Variants in CD99L2 observed in about 807,000 individuals in gnomAD.
The protein encoded by CD99L2 is CD99 antigen-like protein 2.
Under a neutral mutation model 27.3 loss-of-function variants are expected in CD99L2, and 24 were observed. The ratio of observed to expected loss-of-function variants is 0.88; its 90% CI spans 0.64 to 1.24. The LOEUF is 1.24. Among genes scored for constraint, CD99L2 ranks in the 50% most tolerant of loss-of-function variants. The pLI is 0.00. For synonymous variants in CD99L2, 97 were observed against 87.9 expected (o/e 1.10, Z -0.58); for missense variants, 255 against 221.6 (o/e 1.15, Z -0.96).
chrX:150,795,890 C>A, intron 4 of CD99L2, among the ~76,000 whole-genome samples: 1 of 112,335 alleles, frequency 8.9e-6, no homozygotes, highest in Admixed American at 9.4e-5. Context: ...ATTGAGGATG[C>A]ATTCCCAGTG....
intron 7 of CD99L2, among the ~76,000 whole-genome samples, chrX:150,779,161 G>C (rs1557419386): frequency 8.9e-6 from 1 of 112,205 alleles, no homozygotes; most frequent in Non-Finnish European, 1.9e-5. Context: ...CAAGACTGCG[G>C]AGCAACAGGC....
At position 150,892,605 on chromosome X, in the gene CD99L2, C is replaced by CA. The variant is rs782464097; in HGVS notation, c.67+5916dup. Reference sequence around the variant, plus strand: ...TGGGCGACAGAGCGAGACTCTGTCTCAAAAAAAAAAAAAAAAAAAAAAAAA... The same window carrying CA: ...TGGGCGACAGAGCGAGACTCTGTCTCAAAAAAAAAAAAAAAAAAAAAAAAAA... On this transcript the variant is annotated intron_variant, in intron 1 of 10. Coordinates refer to ENST00000370377, the MANE Select transcript of CD99L2 (RefSeq NM_031462.4). Among the ~76,000 whole-genome samples, 146 of 30,166 alleles carry CA rather than the reference C, an allele frequency of 4.8e-3. 7 individuals carry two copies. The highest frequency in any genetic ancestry group is 8.6e-3 in the East Asian group (5 of 580). 26.2% of individuals were successfully genotyped at this position (30,166 alleles called of 115,157 possible). A position where few individuals can be genotyped will look rare whatever the true frequency, so the allele number is the denominator to read the frequency against.
At chrX:150,785,346 A>T (rs2045577439) in intron 7 of CD99L2, among the ~76,000 whole-genome samples, 1 of 111,629 alleles carries the variant, frequency 9.0e-6, no homozygotes, top group Non-Finnish European at 1.9e-5. Flanking sequence ...CAGCACGCAG[A>T]CCTGTAATTA....
rs782204111 is a variant in CD99L2, at chrX:150,768,593, C to T, written c.*441G>A. The T allele has an allele frequency of 4.8e-5, 6 of 126,290 alleles. No individual in the cohort carries two copies. The highest frequency in any genetic ancestry group is 9.5e-5 in the Non-Finnish European group (6 of 62,874). 10.4% of individuals were successfully genotyped at this position (126,290 alleles called of 1,213,427 possible). The stretch of plus-strand genomic sequence containing the variant: ...CCCCCCACCTGCAGCTCCTTGAGGC[C>T]ACTGTCAGGGGCTGTCTATTGGCAG... On this transcript the variant is annotated 3_prime_UTR_variant, in exon 11 of 11. Coordinates refer to ENST00000370377, the MANE Select transcript of CD99L2 (RefSeq NM_031462.4).
intron 7 of CD99L2, among the ~76,000 whole-genome samples, chrX:150,786,381 C>T (rs1479620463): frequency 8.1e-5 from 9 of 110,631 alleles, no homozygotes; most frequent in African/African-American, 3.0e-4. Context: ...TCCCACCCTC[C>T]ACCCCTTGAT....
At chrX:150,771,004 G>A (rs1001726804) in intron 9 of CD99L2, among the ~76,000 whole-genome samples, 90 of 112,407 alleles carry the variant, frequency 8.0e-4, no homozygotes, top group Middle Eastern at 9.2e-3. Flanking sequence ...AGAGGGATTC[G>A]GGGACTGTAC....
At chrX:150,844,192 C>G (rs1239221962) in intron 1 of CD99L2, among the ~76,000 whole-genome samples, 1 of 112,166 alleles carries the variant, frequency 8.9e-6, no homozygotes, top group Non-Finnish European at 1.9e-5. Flanking sequence ...TGATAAAGAC[C>G]TCACCTGATG....
At chrX:150,817,342 T>TA (rs1372756675) in intron 2 of CD99L2, among the ~76,000 whole-genome samples, 23 of 110,787 alleles carry the variant, frequency 2.1e-4, no homozygotes, top group African/African-American at 7.2e-4. Flanking sequence ...ATTGACGATT[T>TA]AAAAAAAATT....
chrX:150,792,237 C>G (rs1557419732), intron 7 of CD99L2, among the ~76,000 whole-genome samples: 1 of 112,177 alleles, frequency 8.9e-6, no homozygotes, highest in African/African-American at 3.2e-5. Context: ...TAAAGAATTC[C>G]TGAACACTTC....
At chrX:150,782,991 A>G (rs2045536393) in intron 7 of CD99L2, among the ~76,000 whole-genome samples, 1 of 111,061 alleles carries the variant, frequency 9.0e-6, no homozygotes, top group African/African-American at 3.3e-5. Context: ...AAATGGATAG[A>G]TAAAATGTGG....
rs782214763 is a variant in CD99L2 at position 150,772,458 on chromosome X, C to T, written c.656-2089G>A. On this transcript the variant is annotated intron_variant, in intron 9 of 10. Coordinates refer to ENST00000370377, the MANE Select transcript of CD99L2 (RefSeq NM_031462.4). ...GGGATGGGGATGGAAGAGCACCTGGCGCCCTCGGGAAGTGAAAGGCCTCTG... is the reference window on the plus strand; with the variant it reads ...GGGATGGGGATGGAAGAGCACCTGGTGCCCTCGGGAAGTGAAAGGCCTCTG... Among the ~76,000 whole-genome samples the T allele has an allele frequency of 8.9e-4, 100 of 112,246 alleles. 1 individual carries two copies. Among genetic ancestry groups the T allele is most frequent in the Non-Finnish European group, 1.6e-3 (87 of 53,160 alleles).
intron 7 of CD99L2, among the ~76,000 whole-genome samples, chrX:150,788,063 T>C: frequency 9.3e-6 from 1 of 107,733 alleles, no homozygotes; most frequent in Non-Finnish European, 1.9e-5. Context: ...TACCATGCTG[T>C]TTTGGTTACT....
chrX:150,875,447 A>G (rs1469238626), intron 1 of CD99L2, among the ~76,000 whole-genome samples: 2 of 112,005 alleles, frequency 1.8e-5, no homozygotes, highest in Non-Finnish European at 3.8e-5. Flanking sequence ...AGTCAAGATA[A>G]AGAACAAGTT....
At chrX:150,789,612 G>A (rs781978448) in intron 7 of CD99L2, among the ~76,000 whole-genome samples, 8 of 111,756 alleles carry the variant, frequency 7.2e-5, no homozygotes, top group South Asian at 3.8e-4. Context: ...ATAGCTGGGC[G>A]CAACGGCTCC....
At chrX:150,773,589 G>C (rs782206652) in intron 9 of CD99L2, among the ~76,000 whole-genome samples, 1 of 112,536 alleles carries the variant, frequency 8.9e-6, no homozygotes, top group South Asian at 3.7e-4. Flanking sequence ...TGCCAAAAAA[G>C]ATCTGCGTGT....
At position 150,768,533 on chromosome X, in the gene CD99L2, C is replaced by T. The variant is rs2043349750; in HGVS notation, c.*501G>A. ...GTGTTACTTGGTGCTGACCGGTTCG[C>T]TCCTTGCAGGGGCTCCAAGTGGGTG... On this transcript the variant is annotated 3_prime_UTR_variant, in exon 11 of 11. Coordinates refer to ENST00000370377, the MANE Select transcript of CD99L2 (RefSeq NM_031462.4). The T allele has an allele frequency of 3.4e-5, 4 of 116,315 alleles. No homozygotes were observed. The highest frequency in any genetic ancestry group is 7.1e-5 in the Non-Finnish European group (4 of 56,148). The allele number at this position is 116,315 out of a possible 1,213,427, so 9.6% of individuals were successfully genotyped here.
chrX:150,772,834 G>C (rs1365584930), intron 9 of CD99L2, among the ~76,000 whole-genome samples: 1 of 110,701 alleles, frequency 9.0e-6, no homozygotes, highest in African/African-American at 3.3e-5. Context: ...AGGACTCCCA[G>C]CCTCTAGCTT....
At chrX:150,894,664 T>C (rs1336109345) in intron 1 of CD99L2, among the ~76,000 whole-genome samples, 1 of 110,776 alleles carries the variant, frequency 9.0e-6, no homozygotes, top group Non-Finnish European at 1.9e-5. Context: ...CTTGGCTCAT[T>C]GCAACCTCTG....
intron 1 of CD99L2, among the ~76,000 whole-genome samples, chrX:150,841,273 A>C (rs1464729571): frequency 5.3e-5 from 6 of 112,265 alleles, no homozygotes; most frequent in Non-Finnish European, 9.4e-5. Context: ...TAATAAATAA[A>C]GCAAAGTGCA....
Sources: allele counts gnomAD v4.1 joint callset (sites outside exome capture counted in the v4.1 genomes callset), GRCh38; gene constraint gnomAD v4.1.1; transcripts MANE v1.5; gene names NCBI Gene and HGNC (gene_info 2026-07-23, HGNC 2026-07-21).